ZDHHC3: variants seen among roughly 807,000 people sequenced by gnomAD.
ZDHHC3 encodes the protein zDHHC palmitoyltransferase 3, also known as palmitoyltransferase ZDHHC3.
A neutral mutation model predicts 30.6 loss-of-function variants in ZDHHC3; 9 were observed. The ratio of observed to expected loss-of-function variants is 0.29; its 90% confidence interval spans 0.18 to 0.51. The LOEUF (loss-of-function observed/expected upper bound fraction) is 0.51, where lower values mean the gene tolerates loss of function less well. Ranked by LOEUF, ZDHHC3 falls within the 20% of genes least tolerant of loss-of-function variation. The probability of loss-of-function intolerance (pLI) is 0.97; values close to 1 mark genes in which losing one functional copy is unlikely to be tolerated. For missense variants in ZDHHC3, 246 were observed against 384.2 expected, an observed-to-expected ratio of 0.64 and a Z score of 3.01; for synonymous variants, 136 against 140.2, an observed-to-expected ratio of 0.97 and a Z score of 0.21.
At chr3:44,973,395 T>C (rs1340035234) in intron 1 of ZDHHC3, among the ~76,000 whole-genome samples, 1 of 152,232 alleles carries the variant, frequency 6.6e-6, no homozygotes, top group African/African-American at 2.4e-5. Context: ...TTTCCCAATC[T>C]GTAAAATAGG....
chr3:44,920,933 G>C lies in ZDHHC3; in HGVS notation c.*5756C>G, dbSNP rs1044519080. 2 of 985,438 alleles carry C rather than the reference G, an allele frequency of 2.0e-6. No individual in the cohort carries two copies. Among genetic ancestry groups the C allele is most frequent in the Non-Finnish European group, 2.4e-6 (2 of 829,932 alleles). 61.0% of individuals were successfully genotyped at this position (985,438 alleles called of 1,614,324 possible). On this transcript the variant is annotated 3_prime_UTR_variant, in exon 7 of 7. Coordinates refer to ENST00000424952, the MANE Select transcript of ZDHHC3 (RefSeq NM_001135179.2). Reference sequence around the variant, plus strand: ...AATCCGATGTATAAAAATGGGCTGAGGGCTGCTTTTTCCTGGTAGGACTCA... The same window carrying C: ...AATCCGATGTATAAAAATGGGCTGACGGCTGCTTTTTCCTGGTAGGACTCA...
intron 1 of ZDHHC3, among the ~76,000 whole-genome samples, chr3:44,962,841 C>T (rs924052282): frequency 3.3e-5 from 5 of 152,216 alleles, no homozygotes; most frequent in African/African-American, 1.2e-4. Context: ...CCTCTATTTA[C>T]TACTGCTAAT....
chr3:44,926,722 T>C lies in ZDHHC3; in HGVS notation c.867A>G (p.Gln289=). 6.2e-7 allele frequency: 1 copy of C among 1,612,634 alleles called. No homozygotes were observed. The highest frequency in any genetic ancestry group is 8.5e-7 in the Non-Finnish European group (1 of 1,179,592). Residue 289 remains glutamine, a synonymous_variant, in exon 7 of 7, where the codon CAA becomes CAG. Coordinates refer to ENST00000424952, the MANE Select transcript of ZDHHC3 (RefSeq NM_001135179.2). The part of the protein sequence containing the change: ...GWASPFATPD[Q]GKADPYQYVV ...CATACTGGTACGGGTCTGCCTTCCC[T>C]TGGTCTGGCGTGGCAAAGGGGCTGG...
At chr3:44,937,463 A>C (rs1702061732) in intron 3 of ZDHHC3, among the ~76,000 whole-genome samples, 1 of 149,448 alleles carries the variant, frequency 6.7e-6, no homozygotes, top group African/African-American at 2.5e-5. Context: ...CCCAGCACTT[A>C]GGGAGGCCAA....
intron 2 of ZDHHC3, among the ~76,000 whole-genome samples, chr3:44,951,664 T>A (rs1703463822): frequency 1.3e-5 from 2 of 152,078 alleles, no homozygotes; most frequent in South Asian, 4.1e-4. Flanking sequence ...GGCTCTGAGC[T>A]CTCCCTGCCC....
rs557954095 is a variant in ZDHHC3 at position 44,953,474 on chromosome 3, T to C, written c.306+5657A>G. Reference sequence around the variant, plus strand: ...AACAATGGAAAGTAGTGGAGACAGGTTCTAAAGAAATGCCAATAATTTCAA... The same window carrying C: ...AACAATGGAAAGTAGTGGAGACAGGCTCTAAAGAAATGCCAATAATTTCAA... On this transcript the variant is annotated intron_variant, in intron 2 of 6. Transcript: ENST00000424952. Among the ~76,000 whole-genome samples the C allele has an allele frequency of 2.6e-5, 4 of 152,170 alleles. No individual in the cohort carries two copies. The East Asian group carries it at 5.8e-4, about 22-fold the overall frequency.
rs1043980651 is a variant in ZDHHC3, at chr3:44,916,225, G to A, written c.*10464C>T. The A allele has an allele frequency of 1.3e-5, 2 of 152,234 alleles. No individual in the cohort carries two copies. The highest frequency in any genetic ancestry group is 4.8e-5 in the African/African-American group (2 of 41,444). The allele number at this position is 152,234 out of a possible 1,614,324, so 9.4% of individuals were successfully genotyped here. On this transcript the variant is annotated 3_prime_UTR_variant, in exon 7 of 7. Coordinates refer to ENST00000424952, the MANE Select transcript of ZDHHC3 (RefSeq NM_001135179.2). ...GAGCTCTGGCAAGGGTTAGGGCAGAGGTGGCTTTGTGAACACTGGGCCCTT... is the reference window on the plus strand; with the variant it reads ...GAGCTCTGGCAAGGGTTAGGGCAGAAGTGGCTTTGTGAACACTGGGCCCTT...
rs929596784 is a variant in ZDHHC3, at chr3:44,923,591, C to T, written c.*3098G>A. 1.3e-5 allele frequency: 13 copies of T among 971,572 alleles called. No homozygotes were observed. The highest frequency in any genetic ancestry group is 6.2e-5 in the Admixed American group (1 of 16,246). The allele number at this position is 971,572 out of a possible 1,614,324, so 60.2% of individuals were successfully genotyped here. Reference sequence around the variant, plus strand: ...CTAAGGCAGGAAAATTGCTGGAGGCCGGGCATTTGAGACTAGCTAGGGCAA... The same window carrying T: ...CTAAGGCAGGAAAATTGCTGGAGGCTGGGCATTTGAGACTAGCTAGGGCAA... On this transcript the variant is annotated 3_prime_UTR_variant, in exon 7 of 7. Transcript: ENST00000424952.
rs763777960 is a variant in ZDHHC3, at chr3:44,926,651, T to C, written c.*38A>G. On this transcript the variant is annotated 3_prime_UTR_variant, in exon 7 of 7. Coordinates refer to ENST00000424952, the MANE Select transcript of ZDHHC3 (RefSeq NM_001135179.2). ...CGGATGGGACGGTAGTGCTGTGGTG[T>C]GGACTTGTGTCTGAGTGGCCATGCC... 139 of 1,549,300 alleles carry C rather than the reference T, an allele frequency of 9.0e-5. No homozygotes were observed. The East Asian group carries it at 3.2e-3, about 35-fold the overall frequency.
chr3:44,945,055 C>T, intron 3 of ZDHHC3, 113 bp downstream of exon 3: 1 of 1,484,082 alleles, frequency 6.7e-7, no homozygotes, highest in South Asian at 1.2e-5. Flanking sequence ...AATCCCGATG[C>T]TGACTTGGCC....
chr3:44,964,932 G>A (rs1226147734), intron 1 of ZDHHC3, among the ~76,000 whole-genome samples: 1 of 152,052 alleles, frequency 6.6e-6, no homozygotes, highest in East Asian at 1.9e-4. Context: ...TGATAGAAGA[G>A]TTCACTGAAG....
intron 1 of ZDHHC3, among the ~76,000 whole-genome samples, chr3:44,967,382 TA>T (rs951650948): frequency 1.3e-5 from 2 of 151,264 alleles, no homozygotes; most frequent in African/African-American, 2.4e-5. Context: ...ACTAATCTAC[TA>T]AAAAAAAATA....
At chr3:44,933,509 C>G in intron 4 of ZDHHC3, 1 of 541,992 alleles carries the variant, frequency 1.8e-6, no homozygotes, top group Admixed American at 3.3e-5. Flanking sequence ...GTACCTCCTC[C>G]CTTGAAAAGC....
At chr3:44,945,938 A>T (rs1281058362) in intron 2 of ZDHHC3, among the ~76,000 whole-genome samples, 2 of 152,176 alleles carry the variant, frequency 1.3e-5, no homozygotes, top group Non-Finnish European at 2.9e-5. Flanking sequence ...AATTATTTTA[A>T]TTGAATCCAT....
At chr3:44,932,536 A>G (rs1463694027) in intron 5 of ZDHHC3, among the ~76,000 whole-genome samples, 2 of 152,202 alleles carry the variant, frequency 1.3e-5, no homozygotes, top group African/African-American at 4.8e-5. Flanking sequence ...GGATCTGTGC[A>G]ATCTTCTGGC....
intron 2 of ZDHHC3, among the ~76,000 whole-genome samples, chr3:44,953,361 T>A (rs1703642069): frequency 6.6e-6 from 1 of 152,134 alleles, no homozygotes; most frequent in Non-Finnish European, 1.5e-5. Context: ...ACCAACTACC[T>A]CAGCACACTA....
At chr3:44,945,827 G>A (rs1702880799) in intron 2 of ZDHHC3, among the ~76,000 whole-genome samples, 1 of 152,190 alleles carries the variant, frequency 6.6e-6, no homozygotes, top group African/African-American at 2.4e-5. Flanking sequence ...AAGGTGCTGG[G>A]ATTACAGGTG....
At chr3:44,946,991 C>A (rs191725667) in intron 2 of ZDHHC3, among the ~76,000 whole-genome samples, 1 of 152,078 alleles carries the variant, frequency 6.6e-6, no homozygotes, top group Non-Finnish European at 1.5e-5. Flanking sequence ...TTCCAGACAC[C>A]ACGTAGGAGG....
At position 44,917,463 on chromosome 3, in the gene ZDHHC3, C is replaced by T. The variant is rs1398453095; in HGVS notation, c.*9226G>A. ...GCCCTGCCCGGTCCTTCTGTCACAA[C>T]CTTACTTCTCAAAGCCAGGAGCCAG... On this transcript the variant is annotated 3_prime_UTR_variant, in exon 7 of 7. Coordinates refer to ENST00000424952, the MANE Select transcript of ZDHHC3 (RefSeq NM_001135179.2). The T allele has an allele frequency of 3.1e-5, 6 of 195,940 alleles. No homozygotes were observed. Among genetic ancestry groups the T allele is most frequent in the Admixed American group, 5.3e-5 (1 of 18,862 alleles). The allele number at this position is 195,940 out of a possible 1,614,324, so 12.1% of individuals were successfully genotyped here. A position where few individuals can be genotyped will look rare whatever the true frequency, so the allele number is the denominator to read the frequency against.
Sources: gnomAD v4.1 joint callset for allele counts (sites outside exome capture counted in the v4.1 genomes callset) on GRCh38, gnomAD v4.1.1 for gene constraint, MANE v1.5 for transcripts, NCBI Gene and HGNC (gene_info 2026-07-23, HGNC 2026-07-21) for gene names.